ZBTB20: variants seen among roughly 807,000 people sequenced by gnomAD.
The protein encoded by ZBTB20 is zinc finger and BTB domain containing 20.
A neutral mutation model predicts 56.9 loss-of-function variants in ZBTB20; 9 were observed. The observed-to-expected ratio is 0.16, with a 90% CI of 0.10 to 0.28. ZBTB20 has a LOEUF of 0.28. Among genes scored for constraint, ZBTB20 ranks in the 10% least tolerant of loss-of-function variants. ZBTB20 has a pLI of 1.00. For missense variants in ZBTB20, 655 were observed against 1,003.0 expected, an observed-to-expected ratio of 0.65 and a Z score of 4.69; for synonymous variants, 417 against 420.7, an observed-to-expected ratio of 0.99 and a Z score of 0.11.
intron 2 of ZBTB20, among the ~76,000 whole-genome samples, chr3:115,044,939 G>T (rs2081281686): frequency 1.3e-5 from 2 of 152,162 alleles, no homozygotes; most frequent in South Asian, 4.1e-4. Context: ...ATCTGCACTG[G>T]TAAAACCTGT....
intron 10 of ZBTB20, among the ~76,000 whole-genome samples, chr3:114,364,981 G>A (rs1002405941): frequency 5.9e-5 from 9 of 152,216 alleles, no homozygotes; most frequent in South Asian, 4.2e-4. Flanking sequence ...ATGTGCCGGC[G>A]CCTGGTGTGG....
intron 4 of ZBTB20, among the ~76,000 whole-genome samples, chr3:114,810,797 TG>T (rs1233710380): frequency 2.6e-5 from 4 of 152,102 alleles, no homozygotes; most frequent in Admixed American, 2.6e-4. Flanking sequence ...TATCCATGCA[TG>T]TGGGGTGGCG....
intron 6 of ZBTB20, among the ~76,000 whole-genome samples, chr3:114,594,542 T>C (rs774469790): frequency 6.6e-6 from 1 of 152,124 alleles, no homozygotes; most frequent in Non-Finnish European, 1.5e-5. Flanking sequence ...TATTAAAATA[T>C]ATTCTGCAGG....
In ZBTB20 at chr3:115,119,403, T is replaced by C. The variant is rs1319543609; in HGVS notation, c.-703+27816A>G. On this transcript the variant is annotated intron_variant, in intron 1 of 11. Coordinates refer to ENST00000675478, the MANE Select transcript of ZBTB20 (RefSeq NM_001348800.3). Reference sequence around the variant, plus strand: ...TGATTAAATAAGATAATTCAAGTACTGGTAATAAAAGTTGCTAAAATTTAT... The same window carrying C: ...TGATTAAATAAGATAATTCAAGTACCGGTAATAAAAGTTGCTAAAATTTAT... Among the ~76,000 whole-genome samples the C allele has an allele frequency of 3.3e-5, 5 of 152,352 alleles. No individual in the cohort carries two copies. In the East Asian group the frequency reaches 9.6e-4, roughly 29 times the overall value.
chr3:114,959,728 C>A (rs1269114186), intron 3 of ZBTB20, among the ~76,000 whole-genome samples: 2 of 150,112 alleles, frequency 1.3e-5, no homozygotes, highest in African/African-American at 4.9e-5. Flanking sequence ...CATACACACA[C>A]ACACACACAC....
intron 6 of ZBTB20, among the ~76,000 whole-genome samples, chr3:114,523,613 T>C (rs1577278998): frequency 6.6e-6 from 1 of 152,172 alleles, no homozygotes. Flanking sequence ...CAATGAGGGA[T>C]GGGCTGAGCC....
At chr3:114,863,429 C>G (rs1402759389) in intron 4 of ZBTB20, among the ~76,000 whole-genome samples, 1 of 151,850 alleles carries the variant, frequency 6.6e-6, no homozygotes, top group African/African-American at 2.4e-5. Context: ...AAGAATAATG[C>G]CACTACAATA....
intron 2 of ZBTB20, among the ~76,000 whole-genome samples, chr3:115,040,425 T>C (rs1466571655): frequency 6.6e-6 from 1 of 152,098 alleles, no homozygotes; most frequent in Admixed American, 6.5e-5. Context: ...AAGACTTCAC[T>C]GAGGAGGTGA....
intron 6 of ZBTB20, among the ~76,000 whole-genome samples, chr3:114,521,134 A>C (rs1442970350): frequency 6.6e-6 from 1 of 152,186 alleles, no homozygotes; most frequent in Non-Finnish European, 1.5e-5. Flanking sequence ...CTATGTCTTA[A>C]TATAGCAATT....
At chr3:114,573,943 A>G (rs1336309457) in intron 6 of ZBTB20, among the ~76,000 whole-genome samples, 1 of 152,176 alleles carries the variant, frequency 6.6e-6, no homozygotes. Flanking sequence ...CCATACAGAG[A>G]TAACTCCTCT....
At chr3:114,962,923 G>A (rs1269335016) in intron 3 of ZBTB20, among the ~76,000 whole-genome samples, 2 of 152,010 alleles carry the variant, frequency 1.3e-5, no homozygotes, top group African/African-American at 4.8e-5. Context: ...GGAGTCTCTT[G>A]TGAAACAGGT....
chr3:114,472,390 A>C (rs944480070), intron 7 of ZBTB20, among the ~76,000 whole-genome samples: 1 of 152,186 alleles, frequency 6.6e-6, no homozygotes, highest in Non-Finnish European at 1.5e-5. Flanking sequence ...AAAGGAAGAA[A>C]GAGGACATAG....
chr3:115,101,024 TTAAG>T (rs1227940540), intron 1 of ZBTB20, among the ~76,000 whole-genome samples: 1 of 152,214 alleles, frequency 6.6e-6, no homozygotes, highest in Non-Finnish European at 1.5e-5. Flanking sequence ...TTAAGCTTAA[TTAAG>T]TAACTAATAG....
intron 3 of ZBTB20, among the ~76,000 whole-genome samples, chr3:114,966,288 A>G (rs1490154697): frequency 6.6e-6 from 1 of 152,130 alleles, no homozygotes; most frequent in Admixed American, 6.6e-5. Flanking sequence ...TGGGGAAATT[A>G]GGTAGATAAA....
chr3:114,666,905 T>G (rs1006333296), intron 6 of ZBTB20, among the ~76,000 whole-genome samples: 16 of 152,124 alleles, frequency 1.1e-4, no homozygotes, highest in Non-Finnish European at 1.9e-4. Context: ...TTCCTTTTCC[T>G]GTGAGATGCA....
chr3:115,039,803 G>A (rs1255729285), intron 2 of ZBTB20, among the ~76,000 whole-genome samples: 1 of 152,036 alleles, frequency 6.6e-6, no homozygotes, highest in Non-Finnish European at 1.5e-5. Context: ...TGCGTAGTGG[G>A]GAGAATGGGG....
chr3:114,607,365 TGATCTCG>T (rs1419924495), intron 6 of ZBTB20, among the ~76,000 whole-genome samples: 1 of 150,674 alleles, frequency 6.6e-6, no homozygotes, highest in African/African-American at 2.4e-5. Context: ...TGCAATGGCA[TGATCTCG>T]GCTCACTGCA....
intron 1 of ZBTB20, among the ~76,000 whole-genome samples, chr3:115,140,608 G>A (rs957265198): frequency 6.6e-6 from 1 of 151,854 alleles, no homozygotes; most frequent in African/African-American, 2.4e-5. Flanking sequence ...GTTAGAGATT[G>A]TTCTATTAAT....
intron 1 of ZBTB20, among the ~76,000 whole-genome samples, chr3:115,122,033 T>C (rs1315006309): frequency 2.0e-5 from 3 of 152,094 alleles, no homozygotes; most frequent in African/African-American, 7.2e-5. Flanking sequence ...AGGATTCTTC[T>C]GAGCATTTAG....
Sources: gnomAD v4.1 joint callset for allele counts (sites outside exome capture counted in the v4.1 genomes callset) on GRCh38, gnomAD v4.1.1 for gene constraint, MANE v1.5 for transcripts, NCBI Gene and HGNC (gene_info 2026-07-23, HGNC 2026-07-21) for gene names.